Variants in RBMS3 observed in about 807,000 individuals in gnomAD.
RBMS3 encodes RNA-binding motif, single-stranded-interacting protein 3.
In RBMS3, 27 loss-of-function variants were observed where a neutral mutation model predicts 66.8. That is an observed-to-expected ratio of 0.40 (90% confidence interval 0.30 to 0.56). The LOEUF (loss-of-function observed/expected upper bound fraction) is 0.56, where lower values mean the gene tolerates loss of function less well. Ranked by LOEUF, RBMS3 falls within the 20% of genes least tolerant of loss-of-function variation. The pLI, the probability that RBMS3 is intolerant of heterozygous loss-of-function variation, is 0.40. For synonymous variants in RBMS3, 188 were observed against 183.0 expected (o/e 1.03, Z -0.22); for missense variants, 513 against 549.5 (o/e 0.93, Z 0.66).
chr3:29,933,886 A>G (rs771061040), intron 10 of RBMS3: 2 of 152,126 alleles, frequency 1.3e-5, no homozygotes, highest in Non-Finnish European at 2.9e-5. Flanking sequence ...ACTGCTTTCA[A>G]TGAAAAGATT....
chr3:29,302,668 A>G (rs1344565733), intron 1 of RBMS3, among the ~76,000 whole-genome samples: 11 of 152,052 alleles, frequency 7.2e-5, no homozygotes, highest in Non-Finnish European at 1.6e-4. Flanking sequence ...TACGCCACAG[A>G]AGGTACTGAC....
At chr3:29,633,935 G>A (rs2049376201) in intron 4 of RBMS3, among the ~76,000 whole-genome samples, 2 of 151,698 alleles carry the variant, frequency 1.3e-5, no homozygotes, top group African/African-American at 4.8e-5. Context: ...TTCTAAAAGA[G>A]CATTTAGCAA....
At chr3:29,745,808 A>G (rs962198672) in intron 5 of RBMS3, among the ~76,000 whole-genome samples, 1 of 152,046 alleles carries the variant, frequency 6.6e-6, no homozygotes, top group South Asian at 2.1e-4. Flanking sequence ...ATGACTTCTA[A>G]CATATGGGCA....
At chr3:29,475,425 GT>G (rs2042910278) in intron 2 of RBMS3, among the ~76,000 whole-genome samples, 1 of 151,796 alleles carries the variant, frequency 6.6e-6, no homozygotes, top group Non-Finnish European at 1.5e-5. Context: ...ATTTTTTGTA[GT>G]TTTCGTAGGG....
chr3:29,875,657 C>G (rs1468617630), intron 7 of RBMS3, among the ~76,000 whole-genome samples: 2 of 151,736 alleles, frequency 1.3e-5, no homozygotes, highest in African/African-American at 4.8e-5. Context: ...ACTGTTTTGT[C>G]TTTTTTATGG....
intron 1 of RBMS3, among the ~76,000 whole-genome samples, chr3:29,414,631 A>C (rs903692700): frequency 1.3e-5 from 2 of 152,130 alleles, no homozygotes; most frequent in African/African-American, 4.8e-5. Context: ...TTCCACTCTG[A>C]GCTCAGTGCT....
intron 1 of RBMS3, among the ~76,000 whole-genome samples, chr3:29,292,243 T>C (rs1008474018): frequency 3.3e-5 from 5 of 151,668 alleles, no homozygotes; most frequent in African/African-American, 1.2e-4. Flanking sequence ...CTGAAAACCT[T>C]AACGATTATT....
intron 4 of RBMS3, among the ~76,000 whole-genome samples, chr3:29,636,256 T>C (rs530496496): frequency 6.6e-6 from 1 of 151,982 alleles, no homozygotes; most frequent in South Asian, 2.1e-4. Flanking sequence ...TGCCACCAGC[T>C]CAGGAAATGA....
At chr3:29,328,344 A>G (rs564032760) in intron 1 of RBMS3, among the ~76,000 whole-genome samples, 9 of 152,296 alleles carry the variant, frequency 5.9e-5, no homozygotes, top group African/African-American at 1.9e-4. Flanking sequence ...AGTGGTAGAT[A>G]TGTTTTCTGT....
chr3:29,831,825 A>T (rs2058376235), intron 6 of RBMS3, among the ~76,000 whole-genome samples: 1 of 151,896 alleles, frequency 6.6e-6, no homozygotes, highest in African/African-American at 2.4e-5. Context: ...GTGTTAACAC[A>T]TTTTTTATTC....
intron 3 of RBMS3, among the ~76,000 whole-genome samples, chr3:29,500,596 T>C (rs1181913934): frequency 6.6e-6 from 1 of 152,178 alleles, no homozygotes; most frequent in South Asian, 2.1e-4. Context: ...CAAATACTTA[T>C]GATTGTGTTA....
intron 6 of RBMS3, among the ~76,000 whole-genome samples, chr3:29,812,476 C>T (rs374715186): frequency 7.2e-5 from 11 of 152,082 alleles, no homozygotes; most frequent in South Asian, 6.2e-4. Context: ...CTAAAAGCAC[C>T]GGTGAACTAA....
intron 3 of RBMS3, among the ~76,000 whole-genome samples, chr3:29,523,284 A>G (rs1340569335): frequency 6.6e-6 from 1 of 152,192 alleles, no homozygotes; most frequent in Non-Finnish European, 1.5e-5. Context: ...TGCTCATTAA[A>G]TACTTGTTTG....
intron 1 of RBMS3, among the ~76,000 whole-genome samples, chr3:29,411,332 G>A (rs1434880124): frequency 6.6e-6 from 1 of 152,100 alleles, no homozygotes; most frequent in African/African-American, 2.4e-5. Flanking sequence ...CTTGTAATCT[G>A]GAACCAGAAA....
At position 29,944,222 on chromosome 3, in the gene RBMS3, A is replaced by G; in HGVS notation, c.1066A>G (p.Arg356Gly). Residue 356 changes from arginine to glycine, a missense_variant, in exon 12 of 15, where the codon AGG becomes GGG. Physicochemically the swap from Arg to Gly is moderately radical, Grantham distance 125. Transcript: ENST00000383767. The part of the protein sequence containing the change: ...GTTGTIQSQD[R>G]IMILHQLLCQ... The stretch of plus-strand genomic sequence containing the variant: ...TCATTCAAAGATTCAATCCCAAGAC[A>G]GGATTATGATACTCCACCAGCTGTT... 1.9e-6 allele frequency: 3 copies of G among 1,591,536 alleles called. No individual in the cohort carries two copies. The highest frequency in any genetic ancestry group is 2.6e-6 in the Non-Finnish European group (3 of 1,160,288).
chr3:29,549,519 C>A (rs1209166813), intron 3 of RBMS3, among the ~76,000 whole-genome samples: 1 of 151,660 alleles, frequency 6.6e-6, no homozygotes, highest in Non-Finnish European at 1.5e-5. Context: ...CCTGTCTCAG[C>A]CTCCCGAATA....
chr3:29,611,403 G>A (rs1208702445), intron 4 of RBMS3, among the ~76,000 whole-genome samples: 1 of 151,960 alleles, frequency 6.6e-6, no homozygotes, highest in African/African-American at 2.4e-5. Flanking sequence ...ATTGTAAACA[G>A]CAGCCTGATC....
intron 4 of RBMS3, among the ~76,000 whole-genome samples, chr3:29,605,761 A>T (rs2048301705): frequency 6.8e-6 from 1 of 148,144 alleles, no homozygotes; most frequent in Non-Finnish European, 1.5e-5. Flanking sequence ...AGTTGACTTT[A>T]GTGGGTGGAT....
At chr3:29,625,737 T>A (rs1200712621) in intron 4 of RBMS3, among the ~76,000 whole-genome samples, 1 of 151,140 alleles carries the variant, frequency 6.6e-6, no homozygotes, top group Non-Finnish European at 1.5e-5. Context: ...AATAAATAAA[T>A]AAAAATAATC....
Sources: gnomAD v4.1 joint callset for allele counts (sites outside exome capture counted in the v4.1 genomes callset) on GRCh38, gnomAD v4.1.1 for gene constraint, MANE v1.5 for transcripts, NCBI Gene and HGNC (gene_info 2026-07-23, HGNC 2026-07-21) for gene names.